The following CDC20B variants were observed in gnomAD, a reference collection of about 807,000 sequenced individuals.
CDC20B encodes the protein cell division cycle 20B.
A neutral mutation model predicts 64.1 loss-of-function variants in CDC20B; 58 were observed. The observed-to-expected ratio is 0.90, with a 90% CI of 0.73 to 1.13. The LOEUF (loss-of-function observed/expected upper bound fraction) is 1.13, where lower values mean the gene tolerates loss of function less well. Ranked by LOEUF, CDC20B falls within the 50% of genes most tolerant of loss-of-function variation. The pLI is 0.00. For missense variants in CDC20B, 597 were observed against 633.0 expected (o/e 0.94, Z 0.61); for synonymous variants, 243 against 230.6 (o/e 1.05, Z -0.49).
intron 10 of CDC20B, 55 bp downstream of exon 10, chr5:55,120,370 T>G: frequency 6.2e-7 from 1 of 1,606,406 alleles, no homozygotes; most frequent in Non-Finnish European, 8.5e-7. Context: ...TGTAAACTAT[T>G]TTCACAAGAT....
chr5:55,164,238 A>G, intron 2 of CDC20B: 1 of 1,503,492 alleles, frequency 6.7e-7, no homozygotes, highest in Non-Finnish European at 9.0e-7. Flanking sequence ...TGCGTTTCTA[A>G]TAGAACAGAG....
intron 2 of CDC20B, chr5:55,163,939 T>C (rs1399863019): frequency 2.7e-6 from 2 of 730,760 alleles, no homozygotes; most frequent in Non-Finnish European, 4.1e-6. Flanking sequence ...GTTTTTTATA[T>C]TATGACAGTC....
intron 6 of CDC20B, among the ~76,000 whole-genome samples, chr5:55,129,487 C>T (rs542789837): frequency 1.3e-5 from 2 of 152,238 alleles, no homozygotes; most frequent in Admixed American, 1.3e-4. Flanking sequence ...CACCATATTT[C>T]TGGTCAGAGA....
intron 5 of CDC20B, among the ~76,000 whole-genome samples, chr5:55,135,305 A>G (rs1743133307): frequency 6.6e-6 from 1 of 152,178 alleles, no homozygotes; most frequent in Non-Finnish European, 1.5e-5. Context: ...AGAATAATAT[A>G]GGTACATTAT....
chr5:55,134,261 T>G (rs1054770404), intron 5 of CDC20B, among the ~76,000 whole-genome samples: 16 of 152,042 alleles, frequency 1.1e-4, no homozygotes, highest in Non-Finnish European at 5.9e-5. Context: ...ACTTGTGGTG[T>G]CTATGACCAG....
At chr5:55,125,982 C>T (rs1001021072) in intron 8 of CDC20B, among the ~76,000 whole-genome samples, 1 of 152,170 alleles carries the variant, frequency 6.6e-6, no homozygotes, top group Admixed American at 6.5e-5. Context: ...AAAAGTATAG[C>T]ACAGTGCCTG....
At chr5:55,115,489 T>C (rs1742601251) in intron 11 of CDC20B, among the ~76,000 whole-genome samples, 1 of 152,198 alleles carries the variant, frequency 6.6e-6, no homozygotes, top group Non-Finnish European at 1.5e-5. Flanking sequence ...CCTTGGAAAA[T>C]GCTTTGCAAA....
chr5:55,140,203 G>A (rs1177853742), intron 5 of CDC20B, 111 bp downstream of exon 5: 1 of 563,286 alleles, frequency 1.8e-6, no homozygotes, highest in African/African-American at 1.9e-5. Context: ...TTACAATTAG[G>A]TTGATTTAGT....
chr5:55,160,110 T>G (rs1743953204), intron 2 of CDC20B: 2 of 1,000,794 alleles, frequency 2.0e-6, no homozygotes, highest in Non-Finnish European at 3.2e-6. Context: ...CCTTCCTGGT[T>G]TTCCGTTAAA....
At chr5:55,116,563 C>T (rs1389253140) in intron 11 of CDC20B, among the ~76,000 whole-genome samples, 1 of 152,202 alleles carries the variant, frequency 6.6e-6, no homozygotes, top group Non-Finnish European at 1.5e-5. Context: ...ATCCTTCCAC[C>T]TCAGTCTCTC....
chr5:55,127,439 A>C, intron 7 of CDC20B, 88 bp from the exon 8 acceptor site: 1 of 1,014,326 alleles, frequency 9.9e-7, no homozygotes, highest in Non-Finnish European at 1.5e-6. Context: ...ATTACTGCTG[A>C]TATTGTTAGT....
intron 8 of CDC20B, chr5:55,126,466 CAAAAAAAAAAAA>C (rs34581363): frequency 1.0e-5 from 1 of 95,330 alleles, no homozygotes; most frequent in Admixed American, 1.3e-4. Context: ...GATTCCATGT[CAAAAAAAAAAAA>C]AAAAAAAAAC....
At chr5:55,151,177 G>GA (rs2111901297) in intron 2 of CDC20B, among the ~76,000 whole-genome samples, 1 of 152,284 alleles carries the variant, frequency 6.6e-6, no homozygotes, top group South Asian at 2.1e-4. Flanking sequence ...TTGTGTTTTA[G>GA]CCACAGCAAG....
intron 6 of CDC20B, among the ~76,000 whole-genome samples, chr5:55,129,721 T>C (rs540680236): frequency 7.0e-4 from 107 of 152,370 alleles, no homozygotes; most frequent in African/African-American, 2.4e-3. Context: ...AGTCTCAGCC[T>C]AGGCTCTGAT....
intron 2 of CDC20B, among the ~76,000 whole-genome samples, chr5:55,167,459 A>G (rs577629933): frequency 2.0e-5 from 3 of 152,328 alleles, no homozygotes; most frequent in African/African-American, 7.2e-5. Context: ...CTGGAGGAGG[A>G]ATCCTGACAT....
At chr5:55,169,682 TC>T (rs1744524947) in intron 2 of CDC20B, among the ~76,000 whole-genome samples, 1 of 152,016 alleles carries the variant, frequency 6.6e-6, no homozygotes, top group Admixed American at 6.5e-5. Flanking sequence ...CCAAAAAAAA[TC>T]CCCAATATTC....
At chr5:55,138,922 A>T (rs541919287) in intron 5 of CDC20B, among the ~76,000 whole-genome samples, 2 of 151,930 alleles carry the variant, frequency 1.3e-5, no homozygotes, top group African/African-American at 4.8e-5. Context: ...AATCCAGGAT[A>T]TTTCATAAAG....
At position 55,172,662 on chromosome 5, in the gene CDC20B, C is replaced by T. The variant is rs1744640516; in HGVS notation, c.64-12G>A. 3 of 1,594,858 alleles carry T rather than the reference C, an allele frequency of 1.9e-6. No individual in the cohort carries two copies. Among genetic ancestry groups the T allele is most frequent in the South Asian group, 1.1e-5 (1 of 90,490 alleles). On this transcript the variant is annotated splice_polypyrimidine_tract_variant and intron_variant, in intron 1 of 11. Transcript: ENST00000381375. Reference sequence around the variant, plus strand: ...CGCATGATACTTTCCTTTGAAAACACAGATAACATATTGAGGGAGAAACTA... The same window carrying T: ...CGCATGATACTTTCCTTTGAAAACATAGATAACATATTGAGGGAGAAACTA...
At chr5:55,168,959 C>T (rs1440639148) in intron 2 of CDC20B, among the ~76,000 whole-genome samples, 4 of 151,994 alleles carry the variant, frequency 2.6e-5, no homozygotes, top group Admixed American at 1.3e-4. Context: ...GCACATGTAC[C>T]CCCTGGATCT....
Sources: gnomAD v4.1 joint callset for allele counts (sites outside exome capture counted in the v4.1 genomes callset) on GRCh38, gnomAD v4.1.1 for gene constraint, MANE v1.5 for transcripts, NCBI Gene and HGNC (gene_info 2026-07-23, HGNC 2026-07-21) for gene names.